Variants in BMP2K observed in about 807,000 individuals in gnomAD.
The protein encoded by BMP2K is BMP-2-inducible protein kinase.
In BMP2K, 74 loss-of-function variants were observed where a neutral mutation model predicts 116.0. That is an observed-to-expected ratio of 0.64 (90% CI 0.53 to 0.77). The LOEUF (loss-of-function observed/expected upper bound fraction) is 0.77, where lower values mean the gene tolerates loss of function less well. Among genes scored for constraint, BMP2K ranks in the 30% least tolerant of loss-of-function variants. The pLI, the probability that BMP2K is intolerant of heterozygous loss-of-function variation, is 0.00. For synonymous variants in BMP2K, 486 were observed against 502.5 expected, an observed-to-expected ratio of 0.97 and a Z score of 0.44; for missense variants, 1,365 against 1,403.6, an observed-to-expected ratio of 0.97 and a Z score of 0.44.
At chr4:78,871,987 A>C (rs754079197) in intron 12 of BMP2K, 39 bp downstream of exon 12, 41 of 1,405,090 alleles carry the variant, frequency 2.9e-5, no homozygotes, top group Non-Finnish European at 3.7e-5. Flanking sequence ...CTGAGTATAC[A>C]TTATGGTGTT....
rs1241623084 is a variant in BMP2K, at chr4:78,903,837, G to A, written c.2063-6773G>A. Among the ~76,000 whole-genome samples, 3 of 151,904 alleles carry A rather than the reference G, an allele frequency of 2.0e-5. No individual in the cohort carries two copies. In the South Asian group the frequency reaches 6.2e-4, roughly 31 times the overall value. On this transcript the variant is annotated intron_variant, in intron 15 of 15. Coordinates refer to ENST00000502613, the MANE Select transcript of BMP2K (RefSeq NM_198892.2). ...GACAGGCCCATGTTTGTATTTTGTA[G>A]TGTGTTGGTGATAAACTGTTGAATT...
intron 1 of BMP2K, among the ~76,000 whole-genome samples, chr4:78,798,078 A>G (rs758325243): frequency 2.0e-5 from 3 of 152,154 alleles, no homozygotes; most frequent in Non-Finnish European, 2.9e-5. Context: ...TGGCCTCCCA[A>G]AGTGTTGGTA....
At chr4:78,782,097 G>A (rs910943473) in intron 1 of BMP2K, among the ~76,000 whole-genome samples, 1 of 152,212 alleles carries the variant, frequency 6.6e-6, no homozygotes, top group African/African-American at 2.4e-5. Context: ...TGCGCCTGGT[G>A]CAATGTGCTC....
chr4:78,904,825 AATT>A (rs1277705088), intron 15 of BMP2K, among the ~76,000 whole-genome samples: 9 of 152,024 alleles, frequency 5.9e-5, no homozygotes, highest in South Asian at 2.1e-4. Flanking sequence ...ATAAGAGCAT[AATT>A]ATTATATATT....
chr4:78,856,219 C>G lies in BMP2K; in HGVS notation c.884-3365C>G, dbSNP rs115630846. On this transcript the variant is annotated intron_variant, in intron 7 of 15. Coordinates refer to ENST00000502613, the MANE Select transcript of BMP2K (RefSeq NM_198892.2). ...CTTTTTTTAAAGAGACAGGGTCTTT[C>G]TGTTGCCTATGCTGGATTGCAATGG... Among the ~76,000 whole-genome samples, 1,095 of 152,146 alleles carry G rather than the reference C, an allele frequency of 7.2e-3. 20 individuals are homozygous for G. Among genetic ancestry groups the G allele is most frequent in the African/African-American group, 0.025 (1,045 of 41,530 alleles).
At position 78,820,395 on chromosome 4, in the gene BMP2K, A is replaced by T. The variant is rs369563668; in HGVS notation, c.179-5642A>T. On this transcript the variant is annotated intron_variant, in intron 1 of 15. Coordinates refer to ENST00000502613, the MANE Select transcript of BMP2K (RefSeq NM_198892.2). ...TTCATGATGATGAGCCTTGATGTGG[A>T]TCTTTTTGTTCTATGTGCTGGGTAT... Among the ~76,000 whole-genome samples the T allele has an allele frequency of 1.4e-4, 22 of 151,950 alleles. No individual in the cohort carries two copies. In the East Asian group the frequency reaches 3.5e-3, roughly 24 times the overall value.
chr4:78,823,137 A>G (rs1218277185), intron 1 of BMP2K, among the ~76,000 whole-genome samples: 11 of 152,202 alleles, frequency 7.2e-5, no homozygotes, highest in Non-Finnish European at 1.3e-4. Context: ...CTGTGTTCAG[A>G]AAACTTAACA....
chr4:78,798,666 A>G (rs1450836425), intron 1 of BMP2K, among the ~76,000 whole-genome samples: 2 of 152,226 alleles, frequency 1.3e-5, no homozygotes, highest in Non-Finnish European at 2.9e-5. Context: ...TCATTAACCC[A>G]AAAGTACACA....
chr4:78,856,775 TAAC>T (rs1731525077), intron 7 of BMP2K, among the ~76,000 whole-genome samples: 1 of 152,128 alleles, frequency 6.6e-6, no homozygotes, highest in Non-Finnish European at 1.5e-5. Flanking sequence ...TCAAATTTAT[TAAC>T]ATCCAGTCAT....
rs551119886 is a variant in BMP2K, at chr4:78,892,233, T to C, written c.2062+4949T>C. 2.6e-5 allele frequency among the ~76,000 whole-genome samples: 4 copies of C among 152,220 alleles called. No individual in the cohort carries two copies. The East Asian group carries it at 7.7e-4, about 29-fold the overall frequency. The stretch of plus-strand genomic sequence containing the variant: ...GCTTCAAGTTACCTTTGTGAAAAGG[T>C]TTTTAATTACATATTTAATATCTTT... On this transcript the variant is annotated intron_variant, in intron 15 of 15. Coordinates refer to ENST00000502613, the MANE Select transcript of BMP2K (RefSeq NM_198892.2).
At chr4:78,884,081 C>T (rs377523310) in intron 14 of BMP2K, among the ~76,000 whole-genome samples, 1 of 152,050 alleles carries the variant, frequency 6.6e-6, no homozygotes, top group South Asian at 2.1e-4. Context: ...TGTGGTGGCT[C>T]CTGCCTATAA....
intron 6 of BMP2K, among the ~76,000 whole-genome samples, chr4:78,849,497 T>A (rs1365683944): frequency 1.3e-5 from 2 of 151,616 alleles, no homozygotes; most frequent in Non-Finnish European, 3.0e-5. Context: ...AAAGTTTGAT[T>A]GACAAAATAA....
In BMP2K at chr4:78,776,422, G is replaced by C. The variant is rs1727232089; in HGVS notation, c.-122G>C. Reference sequence around the variant, plus strand: ...TTGGGGAGCGCGGAATGTGAGGCTTGGCGGGCCGCAGCACGCTCGGACGGG... The same window carrying C: ...TTGGGGAGCGCGGAATGTGAGGCTTCGCGGGCCGCAGCACGCTCGGACGGG... On this transcript the variant is annotated 5_prime_UTR_variant, in exon 1 of 16. Transcript: ENST00000502613. 10 of 988,576 alleles carry C rather than the reference G, an allele frequency of 1.0e-5. No individual in the cohort carries two copies. Among genetic ancestry groups the C allele is most frequent in the Non-Finnish European group, 1.2e-5 (10 of 808,450 alleles). 61.2% of individuals were successfully genotyped at this position (988,576 alleles called of 1,614,324 possible). A position where few individuals can be genotyped will look rare whatever the true frequency, so the allele number is the denominator to read the frequency against.
At position 78,865,833 on chromosome 4, in the gene BMP2K, G is replaced by C. The variant is rs561539879; in HGVS notation, c.1231+113G>C. The stretch of plus-strand genomic sequence containing the variant: ...AATATTGTAAAGTAGATAACATAAT[G>C]CTTTCAGAAACTTTCTATTGATGTC... On this transcript the variant is annotated intron_variant, in intron 10 of 15. Coordinates refer to ENST00000502613, the MANE Select transcript of BMP2K (RefSeq NM_198892.2). The C allele has an allele frequency of 1.9e-3, 2,031 of 1,068,274 alleles. 4 individuals carry two copies. The highest frequency in any genetic ancestry group is 2.5e-3 in the Non-Finnish European group (1,862 of 750,714). The allele number at this position is 1,068,274 out of a possible 1,614,324, so 66.2% of individuals were successfully genotyped here. A position where few individuals can be genotyped will look rare whatever the true frequency, so the allele number is the denominator to read the frequency against.
At chr4:78,902,211 T>G (rs1436707838) in intron 15 of BMP2K, among the ~76,000 whole-genome samples, 2 of 152,188 alleles carry the variant, frequency 1.3e-5, no homozygotes, top group Admixed American at 6.5e-5. Context: ...TAAGCTTACA[T>G]AGTTTATAAG....
At chr4:78,850,809 A>T in intron 6 of BMP2K, 115 bp from the exon 7 acceptor site, 1 of 968,756 alleles carries the variant, frequency 1.0e-6, no homozygotes, top group Non-Finnish European at 1.5e-6. Context: ...ATAATTTGTA[A>T]AAAGATTGCT....
Position 78,871,009 on chromosome 4 carries a change from G to GCACCAC in BMP2K, c.1478_1483dup (p.His493_His494dup), listed in dbSNP as rs749728323. On this transcript the variant is annotated inframe_insertion, in exon 11 of 16. Transcript: ENST00000502613. ...AGCAGCAGCAGCAGCAGCAGCAGCAGCACCACCACCACCACCACCACCACC... is the reference window on the plus strand; with the variant it reads ...AGCAGCAGCAGCAGCAGCAGCAGCAGCACCACCACCACCACCACCACCACCACCACC... 162 of 1,563,420 alleles carry GCACCAC rather than the reference G, an allele frequency of 1.0e-4. 1 individual carries two copies. In the East Asian group the frequency reaches 1.9e-3, roughly 18 times the overall value.
At chr4:78,813,171 G>C (rs1424774921) in intron 1 of BMP2K, among the ~76,000 whole-genome samples, 2 of 152,150 alleles carry the variant, frequency 1.3e-5, no homozygotes, top group East Asian at 3.8e-4. Context: ...AAACCTTGCA[G>C]TTATTTTAAA....
At chr4:78,787,284 T>G (rs1239069399) in intron 1 of BMP2K, among the ~76,000 whole-genome samples, 1 of 152,216 alleles carries the variant, frequency 6.6e-6, no homozygotes, top group African/African-American at 2.4e-5. Flanking sequence ...ATAGAGATAT[T>G]TGTTAATAAT....
Sources: gnomAD v4.1 joint callset for allele counts (sites outside exome capture counted in the v4.1 genomes callset) on GRCh38, gnomAD v4.1.1 for gene constraint, MANE v1.5 for transcripts, NCBI Gene and HGNC (gene_info 2026-07-23, HGNC 2026-07-21) for gene names.